ZFHX3: variants seen among roughly 807,000 people sequenced by gnomAD.
ZFHX3 encodes the protein zinc finger homeobox 3, also known as zinc finger homeobox protein 3.
ZFHX3 carries 42 observed loss-of-function variants against 279.1 expected under a neutral mutation model. The ratio of observed to expected loss-of-function variants is 0.15; its 90% CI spans 0.12 to 0.19. ZFHX3 has a LOEUF of 0.19. ZFHX3 is among the 10% of genes least tolerant of loss of function. The pLI is 1.00. For missense variants in ZFHX3, 4,981 were observed against 4,754.0 expected (o/e 1.05, Z -1.40); for synonymous variants, 2,293 against 1,957.8 (o/e 1.17, Z -4.52).
At chr16:72,967,457 A>G (rs1027215947) in intron 1 of ZFHX3, among the ~76,000 whole-genome samples, 1 of 150,474 alleles carries the variant, frequency 6.6e-6, no homozygotes, top group African/African-American at 2.4e-5. Context: ...CTACTTTAAG[A>G]AAAAAAAAAG....
chr16:73,246,925 T>C (rs1379096585), intron 5 of ZFHX3, among the ~76,000 whole-genome samples: 2 of 152,312 alleles, frequency 1.3e-5, no homozygotes, highest in South Asian at 2.1e-4. Context: ...CCTTCATGTA[T>C]GTGTGTATTT....
chr16:73,398,357 C>T (rs1402534357), intron 3 of ZFHX3, among the ~76,000 whole-genome samples: 1 of 152,178 alleles, frequency 6.6e-6, no homozygotes, highest in Non-Finnish European at 1.5e-5. Context: ...GGCATCTTCT[C>T]ACCAGTGTCT....
At chr16:73,342,842 A>G (rs533350740) in intron 3 of ZFHX3, among the ~76,000 whole-genome samples, 1 of 152,362 alleles carries the variant, frequency 6.6e-6, no homozygotes, top group South Asian at 2.1e-4. Flanking sequence ...CACCCCTAAT[A>G]GAAACAAATG....
chr16:73,160,954 T>G (rs1427918217), intron 5 of ZFHX3, among the ~76,000 whole-genome samples: 2 of 152,002 alleles, frequency 1.3e-5, no homozygotes, highest in African/African-American at 4.8e-5. Context: ...ATAACTTTCT[T>G]TGGCCAATGG....
chr16:73,427,492 C>A (rs2017829657), intron 3 of ZFHX3, among the ~76,000 whole-genome samples: 1 of 152,206 alleles, frequency 6.6e-6, no homozygotes, highest in Admixed American at 6.5e-5. Context: ...CAGATAGCCT[C>A]TTCCCAGCTT....
chr16:72,956,560 G>T (rs2106259), intron 2 of ZFHX3, among the ~76,000 whole-genome samples: 105,398 of 151,992 alleles, frequency 0.69, 37,761 homozygotes, highest in Admixed American at 0.79. Flanking sequence ...TACACTCTTG[G>T]TCCTATTCTA....
At chr16:73,804,148 C>G (rs1435890867) in intron 1 of ZFHX3, among the ~76,000 whole-genome samples, 3 of 151,892 alleles carry the variant, frequency 2.0e-5, no homozygotes, top group Admixed American at 2.0e-4. Context: ...CAGAGCAGAC[C>G]CTGTCTCAAA....
At chr16:73,535,007 G>C (rs2019871384) in intron 2 of ZFHX3, among the ~76,000 whole-genome samples, 1 of 151,972 alleles carries the variant, frequency 6.6e-6, no homozygotes, top group Non-Finnish European at 1.5e-5. Flanking sequence ...TAAGCGATGT[G>C]ATGGTAAATG....
chr16:73,399,666 C>T (rs1246752783), intron 3 of ZFHX3, among the ~76,000 whole-genome samples: 7 of 152,120 alleles, frequency 4.6e-5, no homozygotes, highest in African/African-American at 1.7e-4. Context: ...ACCTCCACTG[C>T]CTCCAACAGG....
At chr16:73,631,923 T>TCACACACA (rs1335020758) in intron 2 of ZFHX3, among the ~76,000 whole-genome samples, 12 of 101,836 alleles carry the variant, frequency 1.2e-4, no homozygotes, top group African/African-American at 4.0e-4. Context: ...TCTCTCTCTC[T>TCACACACA]CTCTCACACA....
At chr16:73,067,991 C>G (rs751283005) in intron 8 of ZFHX3, among the ~76,000 whole-genome samples, 2 of 152,122 alleles carry the variant, frequency 1.3e-5, no homozygotes, top group Non-Finnish European at 2.9e-5. Flanking sequence ...CTCTCAGGAG[C>G]AAGGGAAGGT....
chr16:73,152,192 A>C (rs1398399436), intron 5 of ZFHX3, among the ~76,000 whole-genome samples: 1 of 152,234 alleles, frequency 6.6e-6, no homozygotes, highest in Non-Finnish European at 1.5e-5. Flanking sequence ...CCAGTCAGTC[A>C]TAACAGCTGA....
At position 72,796,550 on chromosome 16, in the gene ZFHX3, A is replaced by T; in HGVS notation, c.6132T>A (p.Pro2044=). ...PQTPEPPPPP[P]PPPPPPLPAA... ...CCGGAAGTGGGGGTGGAGGGGGTGG[A>T]GGGGGAGGTGGTGGTGGCTCTGGGG... is the stretch of plus-strand genomic sequence containing the variant. The change falls in exon 9 of 10, where the codon CCT becomes CCA. Residue 2044 remains proline, a synonymous_variant. Transcript: ENST00000268489. 8 of 214,636 alleles carry T rather than the reference A, an allele frequency of 3.7e-5. No homozygotes were observed. The highest frequency in any genetic ancestry group is 6.2e-5 in the Non-Finnish European group (8 of 129,208). 13.3% of individuals were successfully genotyped at this position (214,636 alleles called of 1,614,324 possible).
chr16:72,935,378 A>G (rs1960062850), intron 3 of ZFHX3, among the ~76,000 whole-genome samples: 1 of 152,214 alleles, frequency 6.6e-6, no homozygotes. Flanking sequence ...GCAGGAGAGG[A>G]GCCTCTAGGG....
chr16:73,813,423 A>T (rs1383122991), intron 1 of ZFHX3, among the ~76,000 whole-genome samples: 1 of 151,854 alleles, frequency 6.6e-6, no homozygotes, highest in Non-Finnish European at 1.5e-5. Context: ...TTGATCAGGG[A>T]ATTGGCTGCA....
intron 7 of ZFHX3, among the ~76,000 whole-genome samples, chr16:72,808,544 T>A (rs748223324): frequency 6.6e-6 from 1 of 152,246 alleles, no homozygotes; most frequent in Non-Finnish European, 1.5e-5. Flanking sequence ...CTTTCAACTT[T>A]ATTCCTGAAT....
intron 2 of ZFHX3, among the ~76,000 whole-genome samples, chr16:73,545,865 T>G (rs1293694264): frequency 6.6e-6 from 1 of 152,058 alleles, no homozygotes; most frequent in Non-Finnish European, 1.5e-5. Flanking sequence ...CTGCATTAAT[T>G]TGGCTGAACA....
chr16:73,333,081 G>C (rs1479974244), intron 3 of ZFHX3, among the ~76,000 whole-genome samples: 3 of 151,922 alleles, frequency 2.0e-5, no homozygotes, highest in African/African-American at 4.8e-5. Flanking sequence ...AAAGATTTTA[G>C]ATAGATAGAT....
At chr16:73,620,311 G>C (rs1005332826) in intron 2 of ZFHX3, among the ~76,000 whole-genome samples, 4 of 152,218 alleles carry the variant, frequency 2.6e-5, no homozygotes, top group Non-Finnish European at 5.9e-5. Context: ...ATAAAGTGAA[G>C]CACTGATTTC....
Sources: gnomAD v4.1 joint callset for allele counts (sites outside exome capture counted in the v4.1 genomes callset) on GRCh38, gnomAD v4.1.1 for gene constraint, MANE v1.5 for transcripts, NCBI Gene and HGNC (gene_info 2026-07-23, HGNC 2026-07-21) for gene names.